PARD3: variants seen among roughly 807,000 people sequenced by gnomAD.
PARD3 encodes the protein par-3 family cell polarity regulator.
In PARD3, 75 loss-of-function variants were observed where a neutral mutation model predicts 155.4. That is an observed-to-expected ratio of 0.48 (90% CI 0.40 to 0.58). The LOEUF is 0.58. PARD3 is among the 20% of genes least tolerant of loss of function. PARD3 has a pLI of 0.00. For missense variants in PARD3, 1,642 were observed against 1,721.7 expected (o/e 0.95, Z 0.82); for synonymous variants, 576 against 610.5 (o/e 0.94, Z 0.83).
At chr10:34,118,697 A>C (rs914233094) in intron 24 of PARD3, among the ~76,000 whole-genome samples, 5 of 152,196 alleles carry the variant, frequency 3.3e-5, no homozygotes, top group African/African-American at 1.2e-4. Flanking sequence ...CTGGTCAGTC[A>C]AGATAAGCAT....
At chr10:34,795,980 A>G (rs1237241303) in intron 1 of PARD3, among the ~76,000 whole-genome samples, 2 of 152,200 alleles carry the variant, frequency 1.3e-5, no homozygotes, top group Non-Finnish European at 2.9e-5. Context: ...ATTGACACAT[A>G]GAGACATTGC....
At chr10:34,183,355 T>G (rs1950348636) in intron 22 of PARD3, among the ~76,000 whole-genome samples, 2 of 152,172 alleles carry the variant, frequency 1.3e-5, no homozygotes, top group African/African-American at 4.8e-5. Context: ...CAGGAGTTAT[T>G]AAGAAATAAT....
At chr10:34,741,438 G>T (rs1005271453) in intron 1 of PARD3, among the ~76,000 whole-genome samples, 4 of 151,988 alleles carry the variant, frequency 2.6e-5, no homozygotes, top group Non-Finnish European at 5.9e-5. Context: ...TCCTGCCTCA[G>T]CCTCCAAAAG....
intron 3 of PARD3, among the ~76,000 whole-genome samples, chr10:34,515,900 G>GT (rs761107153): frequency 2.4e-4 from 37 of 151,672 alleles, no homozygotes; most frequent in Non-Finnish European, 4.7e-4. Context: ...GTAAAGACAC[G>GT]TAAGACCCAA....
chr10:34,308,732 A>T (rs1285645553), intron 20 of PARD3, among the ~76,000 whole-genome samples: 1 of 152,194 alleles, frequency 6.6e-6, no homozygotes. Flanking sequence ...AGGAGAGGTG[A>T]ATTTGAGAGT....
chr10:34,755,112 T>C (rs1251902386), intron 1 of PARD3, among the ~76,000 whole-genome samples: 1 of 152,006 alleles, frequency 6.6e-6, no homozygotes, highest in East Asian at 1.9e-4. Flanking sequence ...GAAGAATTGC[T>C]GGGCCGAGGC....
At chr10:34,407,320 A>C (rs1223078215) in intron 5 of PARD3, among the ~76,000 whole-genome samples, 1 of 152,186 alleles carries the variant, frequency 6.6e-6, no homozygotes, top group African/African-American at 2.4e-5. Flanking sequence ...ACTTGCCAGC[A>C]AGGCTGTATC....
At chr10:34,303,633 T>TC (rs3039315) in intron 20 of PARD3, among the ~76,000 whole-genome samples, 8 of 151,920 alleles carry the variant, frequency 5.3e-5, no homozygotes, top group Non-Finnish European at 1.2e-4. Flanking sequence ...TTTTTTTTTT[T>TC]CCTCTACAAT....
intron 19 of PARD3, among the ~76,000 whole-genome samples, chr10:34,328,498 A>G (rs1835280017): frequency 6.6e-6 from 1 of 152,146 alleles, no homozygotes; most frequent in Non-Finnish European, 1.5e-5. Flanking sequence ...CCCTTTTTAA[A>G]AACTAAAATT....
chr10:34,159,597 G>C (rs2247982), intron 22 of PARD3, among the ~76,000 whole-genome samples: 27,988 of 152,146 alleles, frequency 0.18, 2,940 homozygotes, highest in Middle Eastern at 0.35. Flanking sequence ...CTGAAAGCTG[G>C]AATATGGCTG....
intron 2 of PARD3, among the ~76,000 whole-genome samples, chr10:34,667,412 G>A (rs969050303): frequency 3.9e-5 from 6 of 152,230 alleles, no homozygotes; most frequent in African/African-American, 1.4e-4. Flanking sequence ...GCATCCCAGA[G>A]GCAGTGGTGG....
In PARD3 at chr10:34,707,192, G is replaced by A. The variant is rs538869874; in HGVS notation, c.121-10773C>T. Among the ~76,000 whole-genome samples, 6 of 151,476 alleles carry A rather than the reference G, an allele frequency of 4.0e-5. No homozygotes were observed. In the East Asian group the frequency reaches 1.2e-3, roughly 30 times the overall value. ...GCCCAGGAGGTCAAGGCTGCAGTAA[G>A]CAGTGGCGTGCCACTGCACTCCAGT... On this transcript the variant is annotated intron_variant, in intron 1 of 24. Coordinates refer to ENST00000374788, the MANE Select transcript of PARD3 (RefSeq NM_001184785.2).
At chr10:34,541,277 A>C (rs562945434) in intron 2 of PARD3, among the ~76,000 whole-genome samples, 1 of 152,238 alleles carries the variant, frequency 6.6e-6, no homozygotes, top group South Asian at 2.1e-4. Flanking sequence ...AAATGCAAAG[A>C]GAAGGGAAGA....
chr10:34,281,193 TG>T (rs2133917913), intron 21 of PARD3, among the ~76,000 whole-genome samples: 1 of 152,216 alleles, frequency 6.6e-6, no homozygotes, highest in African/African-American at 2.4e-5. Flanking sequence ...AAACCTTTCA[TG>T]TGGTGGAAAT....
At chr10:34,536,571 T>A (rs2083247673) in intron 2 of PARD3, among the ~76,000 whole-genome samples, 1 of 152,230 alleles carries the variant, frequency 6.6e-6, no homozygotes, top group African/African-American at 2.4e-5. Context: ...AAAACCTATA[T>A]AAAGATATTA....
At chr10:34,186,375 A>G (rs1390339465) in intron 22 of PARD3, among the ~76,000 whole-genome samples, 2 of 151,006 alleles carry the variant, frequency 1.3e-5, no homozygotes, top group African/African-American at 2.4e-5. Flanking sequence ...AAAAAAAAAA[A>G]AGAAACCCAG....
intron 24 of PARD3, among the ~76,000 whole-genome samples, chr10:34,112,479 G>A (rs180915935): frequency 8.9e-4 from 136 of 152,308 alleles, no homozygotes; most frequent in African/African-American, 3.0e-3. Flanking sequence ...AAACAATTCT[G>A]TGCCAGAAAG....
intron 2 of PARD3, chr10:34,676,074 A>G (rs2093699934): frequency 6.5e-6 from 1 of 152,684 alleles, no homozygotes; most frequent in African/African-American, 2.4e-5. Flanking sequence ...GTGATGCCCC[A>G]TCTTGAACGC....
chr10:34,695,596 T>C (rs2094154003), intron 2 of PARD3, among the ~76,000 whole-genome samples: 1 of 151,524 alleles, frequency 6.6e-6, no homozygotes, highest in African/African-American at 2.4e-5. Context: ...CTCATTCCTC[T>C]CAAGAGTACA....
Sources: gnomAD v4.1 joint callset for allele counts (sites outside exome capture counted in the v4.1 genomes callset) on GRCh38, gnomAD v4.1.1 for gene constraint, MANE v1.5 for transcripts, NCBI Gene and HGNC (gene_info 2026-07-23, HGNC 2026-07-21) for gene names.